MUC12: variants seen among roughly 807,000 people sequenced by gnomAD.
MUC12 encodes mucin-12.
In MUC12, 172 loss-of-function variants were observed where a neutral mutation model predicts 230.8. That is an observed-to-expected ratio of 0.75 (90% CI 0.66 to 0.85). The LOEUF (loss-of-function observed/expected upper bound fraction) is 0.85, where lower values mean the gene tolerates loss of function less well. Ranked by LOEUF, MUC12 falls within the 40% of genes least tolerant of loss-of-function variation. MUC12 has a pLI of 0.00. For missense variants in MUC12, 3,506 were observed against 5,920.6 expected (o/e 0.59, Z 13.38); for synonymous variants, 1,259 against 2,401.9 (o/e 0.52, Z 13.91).
rs547298903 is a variant in MUC12, at chr7:100,987,553, A to G, written c.68-3078A>G. On this transcript the variant is annotated intron_variant, in intron 1 of 11. Coordinates refer to ENST00000536621, the MANE Select transcript of MUC12 (RefSeq NM_001164462.2). ...AATCTCATGTTGAGTTGTAATCCCC[A>G]GTGTTGCAGGAGGGGCCTTGTGGGA... Among the ~76,000 whole-genome samples the G allele has an allele frequency of 3.9e-5, 6 of 152,256 alleles. No individual in the cohort carries two copies. The East Asian group carries it at 7.7e-4, about 20-fold the overall frequency.
At position 100,991,686 on chromosome 7, in the gene MUC12, G is replaced by A. The variant is rs1169665495; in HGVS notation, c.1123G>A (p.Glu375Lys). 6.5e-7 allele frequency: 1 copy of A among 1,537,616 alleles called. No homozygotes were observed. The highest frequency in any genetic ancestry group is 8.7e-7 in the Non-Finnish European group (1 of 1,146,892). Residue 375 changes from glutamate to lysine, a missense_variant, in exon 2 of 12, where the codon GAA becomes AAA. Coordinates refer to ENST00000536621, the MANE Select transcript of MUC12 (RefSeq NM_001164462.2). ...PGSTQTMHFP[E>K]SSTTSGHSEE... ...CTCAACTCAAACAATGCACTTCCCT[G>A]AAAGCTCCACAACTTCAGGCCATAG...
At chr7:101,009,294 C>A in intron 5 of MUC12, 135 bp downstream of exon 5, 1 of 866,964 alleles carries the variant, frequency 1.2e-6, no homozygotes, top group Non-Finnish European at 1.8e-6. Flanking sequence ...CTAGGGAACA[C>A]TGGGGGCTGT....
rs1353286786 is a variant in MUC12 at position 100,992,159 on chromosome 7, C to G, written c.1596C>G (p.His532Gln). The change falls in exon 2 of 12, where the codon CAC (histidine) becomes CAG (glutamine). Residue 532 changes from histidine to glutamine, a missense_variant. By Grantham distance (24) the His-to-Gln change is conservative (BLOSUM62 0). Coordinates refer to ENST00000536621, the MANE Select transcript of MUC12 (RefSeq NM_001164462.2). ...CCCACAGCCGACCAGGCTCAACACA[C>G]ACAACAGCATTCCCTGGCAGTACCA... ...TTSHSRPGST[H>Q]TTAFPGSTTM... The G allele has an allele frequency of 1.3e-6, 2 of 1,537,904 alleles. No individual in the cohort carries two copies. The highest frequency in any genetic ancestry group is 2.7e-5 in the African/African-American group (2 of 73,122).
At chr7:100,975,750 G>C (rs1200425099) in intron 1 of MUC12, among the ~76,000 whole-genome samples, 1 of 152,304 alleles carries the variant, frequency 6.6e-6, no homozygotes, top group Non-Finnish European at 1.5e-5. Context: ...CAGGAAGGAA[G>C]TATTATATTA....
At chr7:101,008,834 C>T in intron 4 of MUC12, 73 bp downstream of exon 4, 2 of 1,469,994 alleles carry the variant, frequency 1.4e-6, no homozygotes, top group Non-Finnish European at 1.8e-6. Flanking sequence ...TGCACCCCAA[C>T]TTAGTGATCT....
chr7:100,990,045 C>T (rs890960740), intron 1 of MUC12, among the ~76,000 whole-genome samples: 1 of 152,184 alleles, frequency 6.6e-6, no homozygotes, highest in Non-Finnish European at 1.5e-5. Flanking sequence ...TATCTAGTGA[C>T]ACCCTGCCCG....
rs546226542 is a variant in MUC12, at chr7:100,995,745, T to G, written c.5182T>G (p.Phe1728Val). Residue 1728 changes from phenylalanine (F) to valine (V), a missense_variant, in exon 2 of 12, where the codon TTT (phenylalanine) becomes GTT (valine). Physicochemically the swap from Phe to Val is conservative, Grantham distance 50. Transcript: ENST00000536621. ...GSPSSTPTTH[F>V]SASSTTLGRS... ...CCCGAGCTCAACTCCAACAACCCAC[T>G]TTTCTGCCAGCTCCACAACCTTGGG... The G allele has an allele frequency of 1.3e-6, 2 of 1,534,060 alleles. No individual in the cohort carries two copies. Among genetic ancestry groups the G allele is most frequent in the East Asian group, 4.9e-5 (2 of 40,732 alleles).
chr7:101,008,518 ACCTT>A (rs1039115501), intron 3 of MUC12, 112 bp from the exon 4 acceptor site: 2 of 1,366,350 alleles, frequency 1.5e-6, no homozygotes, highest in African/African-American at 2.9e-5. Context: ...CAGTGACCCC[ACCTT>A]CCTCTTAAGT....
chr7:100,992,188 T>G lies in MUC12; in HGVS notation c.1625T>G (p.Met542Arg), dbSNP rs761584987. The change falls in exon 2 of 12, where the codon ATG (methionine) becomes AGG (arginine). Residue 542 changes from methionine (M) to arginine (R), a missense_variant. Coordinates refer to ENST00000536621, the MANE Select transcript of MUC12 (RefSeq NM_001164462.2). ...ACAGCATTCCCTGGCAGTACCACCATGCCAGGCCTCAGTCAGGAATCTACA... is the reference window on the plus strand; with the variant it reads ...ACAGCATTCCCTGGCAGTACCACCAGGCCAGGCCTCAGTCAGGAATCTACA... The part of the protein sequence containing the change: ...HTTAFPGSTT[M>R]PGLSQESTAS... 3 of 1,537,602 alleles carry G rather than the reference T, an allele frequency of 2.0e-6. No homozygotes were observed. Among genetic ancestry groups the G allele is most frequent in the Non-Finnish European group, 2.6e-6 (3 of 1,147,040 alleles).
At position 100,990,905 on chromosome 7, in the gene MUC12, C is replaced by A. The variant is rs1229764058; in HGVS notation, c.342C>A (p.Ile114=). 2 of 1,537,872 alleles carry A rather than the reference C, an allele frequency of 1.3e-6. No individual in the cohort carries two copies. The highest frequency in any genetic ancestry group is 2.0e-5 in the Admixed American group (1 of 51,014). Reference sequence around the variant, plus strand: ...TTGGAGAACCTAAAACCTCACCCATCACTTCAGCCTCAATGGAAACAACAG... The same window carrying A: ...TTGGAGAACCTAAAACCTCACCCATAACTTCAGCCTCAATGGAAACAACAG... ...VFVGEPKTSP[I]TSASMETTAL... is the part of the protein sequence containing the mutation. The change falls in exon 2 of 12, where the codon ATC becomes ATA. Residue 114 remains isoleucine (I), a synonymous_variant. Coordinates refer to ENST00000536621, the MANE Select transcript of MUC12 (RefSeq NM_001164462.2).
intron 9 of MUC12, chr7:101,014,558 A>G (rs906116369): frequency 2.0e-5 from 3 of 151,964 alleles, no homozygotes; most frequent in African/African-American, 7.3e-5. Context: ...GCTCACTGCA[A>G]CCTCCGCCTC....
In MUC12 at chr7:100,989,113, T is replaced by G. The variant is rs568051617; in HGVS notation, c.68-1518T>G. ...TTCCTCTTCTTCTTTTTTTTTTTTT[T>G]TTTTTGAGACAGAGTCTCACTCTGT... On this transcript the variant is annotated intron_variant, in intron 1 of 11. Transcript: ENST00000536621. Among the ~76,000 whole-genome samples the G allele has an allele frequency of 7.3e-3, 1,083 of 148,386 alleles. 4 individuals are homozygous for G. Among genetic ancestry groups the G allele is most frequent in the Admixed American group, 0.011 (162 of 14,942 alleles).
chr7:100,970,859 A>G (rs868288887), intron 1 of MUC12, among the ~76,000 whole-genome samples: 1 of 152,048 alleles, frequency 6.6e-6, no homozygotes, highest in African/African-American at 2.4e-5. Context: ...TAGCCGGGCG[A>G]GGTGGCGGGC....
In MUC12 at chr7:101,018,692, G is replaced by C. The variant is rs1794000325; in HGVS notation, c.*56G>C. ...TCTGTTCAGGAGAGCTGCAAACACAGAGCCCACCACAAGCCTCCGGGGCGG... is the reference window on the plus strand; with the variant it reads ...TCTGTTCAGGAGAGCTGCAAACACACAGCCCACCACAAGCCTCCGGGGCGG... On this transcript the variant is annotated 3_prime_UTR_variant, in exon 12 of 12. Coordinates refer to ENST00000536621, the MANE Select transcript of MUC12 (RefSeq NM_001164462.2). The C allele has an allele frequency of 2.7e-6, 4 of 1,501,604 alleles. No individual in the cohort carries two copies. The highest frequency in any genetic ancestry group is 1.4e-5 in the African/African-American group (1 of 71,988). The allele number at this position is 1,501,604 out of a possible 1,614,324, so 93.0% of individuals were successfully genotyped here.
At chr7:100,985,063 C>T (rs1480090273) in intron 1 of MUC12, among the ~76,000 whole-genome samples, 7 of 152,076 alleles carry the variant, frequency 4.6e-5, no homozygotes, top group Non-Finnish European at 4.4e-5. Context: ...GATGGGGTTT[C>T]ACCATGTTGG....
intron 5 of MUC12, among the ~76,000 whole-genome samples, chr7:101,010,347 G>A (rs911894772): frequency 6.6e-6 from 1 of 152,036 alleles, no homozygotes; most frequent in African/African-American, 2.4e-5. Flanking sequence ...CTTATTTTGG[G>A]GGGATCGGGG....
intron 1 of MUC12, among the ~76,000 whole-genome samples, chr7:100,983,148 T>C (rs187075284): frequency 6.0e-4 from 91 of 151,802 alleles, no homozygotes; most frequent in Non-Finnish European, 1.0e-3. Context: ...GGCTGGGTGC[T>C]GTGGCTCACA....
rs1157648244 is a variant in MUC12, at chr7:100,977,050, CAAAAAAAAAAAAAAAAAA to C, written c.67+7376_67+7393del. Among the ~76,000 whole-genome samples, 444 of 62,444 alleles carry C rather than the reference CAAAAAAAAAAAAAAAAAA, an allele frequency of 7.1e-3. 7 individuals carry two copies. The highest frequency in any genetic ancestry group is 0.026 in the African/African-American group (413 of 15,626). The allele number at this position is 62,444 out of a possible 152,430, so 41.0% of individuals were successfully genotyped here. On this transcript the variant is annotated intron_variant, in intron 1 of 11. Transcript: ENST00000536621. The stretch of plus-strand genomic sequence containing the variant: ...TTGGTGACAGACCAAGACTCCATCT[CAAAAAAAAAAAAAAAAAA>C]AAAAAAAAAAAAAAGAAATTGCTCA...
chr7:100,980,208 A>C (rs751779419), intron 1 of MUC12, among the ~76,000 whole-genome samples: 1 of 151,770 alleles, frequency 6.6e-6, no homozygotes, highest in Non-Finnish European at 1.5e-5. Context: ...CACTCAGCTA[A>C]ATTTTTGTAT....
Sources: allele counts gnomAD v4.1 joint callset (sites outside exome capture counted in the v4.1 genomes callset), GRCh38; gene constraint gnomAD v4.1.1; transcripts MANE v1.5; gene names NCBI Gene and HGNC (gene_info 2026-07-23, HGNC 2026-07-21).